ZNF469: variants seen among roughly 807,000 people sequenced by gnomAD.
ZNF469 encodes the protein zinc finger protein 469.
In ZNF469, 1 loss-of-function variant was observed where a neutral mutation model predicts 1.0. The ratio of observed to expected loss-of-function variants is 1.00; its 90% confidence interval spans 0.35 to 4.73. ZNF469 has a LOEUF of 4.73. Among genes scored for constraint, ZNF469 ranks in the 30% most tolerant of loss-of-function variants. ZNF469 has a pLI of 0.16. For synonymous variants in ZNF469, 2,703 were observed against 2,363.4 expected (o/e 1.14, Z -4.17); for missense variants, 6,100 against 5,356.3 (o/e 1.14, Z -4.33).
chr16:88,166,794 C>CACACACAT, the ZNF469 span, among the ~76,000 whole-genome samples: 1 of 151,732 alleles, frequency 6.6e-6, no homozygotes, highest in Non-Finnish European at 1.5e-5. This position sits in a 1 kb window ranked among gnomAD's most constrained non-coding sequence, Gnocchi z 4.5. Flanking sequence ...CACACACACA[C>CACACACAT]ACACACAAAT....
the ZNF469 span, among the ~76,000 whole-genome samples, chr16:88,106,092 C>G: frequency 6.6e-6 from 1 of 152,260 alleles, no homozygotes; most frequent in African/African-American, 2.4e-5. Context: ...ATTGCCCTGC[C>G]ACACCTGCAA....
chr16:88,148,488 T>C, the ZNF469 span, among the ~76,000 whole-genome samples: 2 of 152,158 alleles, frequency 1.3e-5, no homozygotes, highest in Non-Finnish European at 2.9e-5. Flanking sequence ...GGAGGTCTCC[T>C]GTGGGGCACA....
chr16:88,117,628 A>G, the ZNF469 span, among the ~76,000 whole-genome samples: 48 of 19,590 alleles, frequency 2.5e-3, no homozygotes, highest in African/African-American at 0.012. Flanking sequence ...ACGTGTCTTC[A>G]TGGACCGTGG....
chr16:88,104,568 T>C, the ZNF469 span, among the ~76,000 whole-genome samples: 674 of 152,370 alleles, frequency 4.4e-3, 4 homozygotes, highest in African/African-American at 0.015. Flanking sequence ...GTCCCATGCG[T>C]GGGTCACGCA....
chr16:88,201,671 G>C, the ZNF469 span, among the ~76,000 whole-genome samples: 1 of 152,208 alleles, frequency 6.6e-6, no homozygotes, highest in Admixed American at 6.5e-5. This position sits in a 1 kb window ranked among gnomAD's most constrained non-coding sequence, Gnocchi z 5.0. Context: ...AGTGGACTGT[G>C]GGGTGAGGCC....
At chr16:88,309,451 C>T in the ZNF469 span, among the ~76,000 whole-genome samples, 44 of 145,008 alleles carry the variant, frequency 3.0e-4, no homozygotes, top group African/African-American at 8.1e-4. Flanking sequence ...GGACACCTGA[C>T]GCGGGGAGTA....
At chr16:88,319,046 G>A in the ZNF469 span, among the ~76,000 whole-genome samples, 1 of 152,196 alleles carries the variant, frequency 6.6e-6, no homozygotes, top group East Asian at 1.9e-4. Context: ...TTGCCAGCTG[G>A]GGTCAAGAGG....
At chr16:88,147,810 G>A in the ZNF469 span, among the ~76,000 whole-genome samples, 1 of 152,156 alleles carries the variant, frequency 6.6e-6, no homozygotes, top group East Asian at 1.9e-4. Context: ...AGCTGACCAG[G>A]CAGCTGAGCT....
the ZNF469 span, among the ~76,000 whole-genome samples, chr16:88,312,605 C>T: frequency 2.6e-5 from 4 of 152,166 alleles, no homozygotes; most frequent in African/African-American, 7.2e-5. Flanking sequence ...AAAGGCCTTG[C>T]GCATGCTGAA....
At chr16:88,243,429 C>T in the ZNF469 span, among the ~76,000 whole-genome samples, 4 of 152,182 alleles carry the variant, frequency 2.6e-5, no homozygotes, top group South Asian at 4.1e-4. Flanking sequence ...CTCAGATTCT[C>T]CAGGCACAGA....
At chr16:88,184,201 C>T in the ZNF469 span, among the ~76,000 whole-genome samples, 1 of 152,132 alleles carries the variant, frequency 6.6e-6, no homozygotes, top group African/African-American at 2.4e-5. Flanking sequence ...GAGCCCCTAA[C>T]TCAGCTCCGT....
the ZNF469 span, among the ~76,000 whole-genome samples, chr16:88,332,161 C>T: frequency 6.6e-6 from 1 of 152,190 alleles, no homozygotes; most frequent in Non-Finnish European, 1.5e-5. Context: ...GTAAAGCCAC[C>T]GAAGGAATCT....
the ZNF469 span, among the ~76,000 whole-genome samples, chr16:88,185,034 C>T: frequency 1.3e-5 from 2 of 151,108 alleles, no homozygotes; most frequent in Non-Finnish European, 3.0e-5. Flanking sequence ...CTCATACAGG[C>T]ACATACGTAT....
At chr16:88,415,022 C>T (rs1007555341) in intron 1 of ZNF469, among the ~76,000 whole-genome samples, 6 of 152,246 alleles carry the variant, frequency 3.9e-5, no homozygotes, top group Non-Finnish European at 7.3e-5. Context: ...GGGAAGGGCA[C>T]TGCCTCGGCC....
chr16:88,152,723 C>G, the ZNF469 span, among the ~76,000 whole-genome samples: 1 of 152,174 alleles, frequency 6.6e-6, no homozygotes, highest in Non-Finnish European at 1.5e-5. The surrounding 1 kb of genome is among the most constrained non-coding windows in gnomAD (Gnocchi z 4.2). Context: ...TCACTTCCCT[C>G]TCTTCATTTC....
chr16:88,135,921 C>T, the ZNF469 span, among the ~76,000 whole-genome samples: 34 of 151,998 alleles, frequency 2.2e-4, no homozygotes, highest in African/African-American at 6.0e-4. Context: ...CCAACACGCC[C>T]GGCTAATTTT....
chr16:88,260,248 C>T, the ZNF469 span, among the ~76,000 whole-genome samples: 2 of 152,184 alleles, frequency 1.3e-5, no homozygotes, highest in African/African-American at 2.4e-5. This position sits in a 1 kb window ranked among gnomAD's most constrained non-coding sequence, Gnocchi z 4.1. Context: ...CTCGGCCTCC[C>T]GAAGTGCTGG....
At chr16:88,425,444 A>AGTGCAGGGAAGGAGAT (rs1555518178) in intron 2 of ZNF469, among the ~76,000 whole-genome samples, 25 of 151,716 alleles carry the variant, frequency 1.6e-4, no homozygotes, top group African/African-American at 5.8e-4. Context: ...GGCTAAGCCC[A>AGTGCAGGGAAGGAGAT]GTGCAGGGCA....
At chr16:88,416,778 T>C (rs547498319) in intron 1 of ZNF469, among the ~76,000 whole-genome samples, 1 of 152,254 alleles carries the variant, frequency 6.6e-6, no homozygotes, top group East Asian at 1.9e-4. Context: ...CCCTTCGCCC[T>C]TCCAGGGCTC....
Sources: gnomAD v4.1 joint callset for allele counts (sites outside exome capture counted in the v4.1 genomes callset) on GRCh38, gnomAD v4.1.1 for gene constraint, Gnocchi (gnomAD v3.1) non-coding constraint, MANE v1.5 for transcripts, NCBI Gene and HGNC (gene_info 2026-07-23, HGNC 2026-07-21) for gene names.